Variants in CYRIA observed in about 807,000 individuals in gnomAD.
The protein encoded by CYRIA is CYFIP-related Rac1 interactor A.
In CYRIA, 15 loss-of-function variants were observed where a neutral mutation model predicts 43.9. That is an observed-to-expected ratio of 0.34 (90% confidence interval 0.23 to 0.53). The LOEUF (loss-of-function observed/expected upper bound fraction) is 0.53. Among genes scored for constraint, CYRIA ranks in the 20% least tolerant of loss-of-function variants. The probability of loss-of-function intolerance (pLI) is 0.94; values close to 1 mark genes in which losing one functional copy is unlikely to be tolerated. For missense variants in CYRIA, 236 were observed against 394.2 expected (o/e 0.60, Z 3.40); for synonymous variants, 117 against 136.0 (o/e 0.86, Z 0.97).
At chr2:16,601,599 G>A (rs181713424) in intron 2 of CYRIA, among the ~76,000 whole-genome samples, 11 of 151,710 alleles carry the variant, frequency 7.3e-5, no homozygotes, top group East Asian at 3.9e-4. Flanking sequence ...TTCTATGACC[G>A]CTTTCTTGGC....
chr2:16,565,797 T>G, intron 3 of CYRIA, 30 bp from the exon 4 acceptor site: 2 of 1,517,650 alleles, frequency 1.3e-6, no homozygotes, highest in Non-Finnish European at 1.8e-6. Context: ...AGAGACAGAG[T>G]GCTGGTGTTT....
chr2:16,579,267 C>G (rs1032491309), intron 3 of CYRIA, among the ~76,000 whole-genome samples: 6 of 151,794 alleles, frequency 4.0e-5, no homozygotes, highest in Non-Finnish European at 7.4e-5. Flanking sequence ...TTCTAATAGA[C>G]TTGAACTAAA....
chr2:16,648,684 C>T (rs959183334), intron 1 of CYRIA, among the ~76,000 whole-genome samples: 16 of 152,236 alleles, frequency 1.1e-4, no homozygotes, highest in Admixed American at 9.2e-4. Context: ...GTCTTGGGTT[C>T]CCAGATTATT....
chr2:16,590,159 C>G (rs1216887995), intron 2 of CYRIA, among the ~76,000 whole-genome samples: 1 of 152,088 alleles, frequency 6.6e-6, no homozygotes, highest in African/African-American at 2.4e-5. Context: ...TGTCATTCTT[C>G]CATTCCTTCC....
At position 16,642,969 on chromosome 2, in the gene CYRIA, T is replaced by C. The variant is rs183952548; in HGVS notation, c.-166-18950A>G. 1.9e-3 allele frequency among the ~76,000 whole-genome samples: 282 copies of C among 150,964 alleles called. 2 individuals carry two copies. Among genetic ancestry groups the C allele is most frequent in the Admixed American group, 0.018 (272 of 15,112 alleles). On this transcript the variant is annotated intron_variant, in intron 1 of 11. Transcript: ENST00000381323. Reference sequence around the variant, plus strand: ...TAATATACTAGAAGGCAATAAATATTCCTTTATTACCTTACCTTAAAGTTA... The same window carrying C: ...TAATATACTAGAAGGCAATAAATATCCCTTTATTACCTTACCTTAAAGTTA...
At chr2:16,664,783 G>A in intron 1 of CYRIA, among the ~76,000 whole-genome samples, 1 of 152,212 alleles carries the variant, frequency 6.6e-6, no homozygotes. Context: ...GAGGGTCACA[G>A]AGCTTCAGGG....
chr2:16,618,311 C>A (rs1310788058), intron 2 of CYRIA, among the ~76,000 whole-genome samples: 2 of 152,144 alleles, frequency 1.3e-5, no homozygotes, highest in African/African-American at 4.8e-5. Flanking sequence ...TTAAACAATC[C>A]TTTTGAATTT....
At position 16,565,720 on chromosome 2, in the gene CYRIA, C is replaced by T. The variant is rs1196461802; in HGVS notation, c.118G>A (p.Ala40Thr). 6.3e-6 allele frequency: 10 copies of T among 1,588,822 alleles called. No homozygotes were observed. Among genetic ancestry groups the T allele is most frequent in the East Asian group, 2.3e-5 (1 of 44,360 alleles). Residue 40 changes from alanine (A) to threonine (T), a missense_variant, in exon 4 of 12, where the codon GCC (alanine) becomes ACC (threonine). Physicochemically the swap from Ala to Thr is moderately conservative, Grantham distance 58. Transcript: ENST00000381323. ...GEREIWNQIS[A>T]VLQDSESILA... ...ATGCTCTCAGAATCCTGAAGGACGG[C>T]GCTGATCTGGTTCCAGATTTCTCTC...
intron 1 of CYRIA, among the ~76,000 whole-genome samples, chr2:16,655,025 G>A (rs1670071762): frequency 6.6e-6 from 1 of 152,178 alleles, no homozygotes; most frequent in Non-Finnish European, 1.5e-5. Context: ...CTAGCAGGTT[G>A]AGCATGTAGT....
At chr2:16,590,793 CTG>C (rs1233002995) in intron 2 of CYRIA, among the ~76,000 whole-genome samples, 2 of 152,134 alleles carry the variant, frequency 1.3e-5, no homozygotes, top group African/African-American at 2.4e-5. Flanking sequence ...ACTGTGGACA[CTG>C]TGTAGAAAGT....
chr2:16,652,852 T>C (rs1670011528), intron 1 of CYRIA, among the ~76,000 whole-genome samples: 1 of 152,212 alleles, frequency 6.6e-6, no homozygotes. Flanking sequence ...TCCAGCTTTC[T>C]CCTGGCACCT....
At chr2:16,618,493 C>T (rs1488857241) in intron 2 of CYRIA, among the ~76,000 whole-genome samples, 2 of 152,152 alleles carry the variant, frequency 1.3e-5, no homozygotes, top group African/African-American at 4.8e-5. Context: ...ACAAATAGGG[C>T]CCCTAAGAAC....
At chr2:16,642,489 G>T (rs534595251) in intron 1 of CYRIA, among the ~76,000 whole-genome samples, 2 of 152,036 alleles carry the variant, frequency 1.3e-5, no homozygotes, top group Non-Finnish European at 2.9e-5. Flanking sequence ...TCAAGAACAC[G>T]CTGCCGCCAG....
At chr2:16,583,112 G>C (rs947673894) in intron 3 of CYRIA, among the ~76,000 whole-genome samples, 12 of 152,146 alleles carry the variant, frequency 7.9e-5, no homozygotes, top group African/African-American at 2.9e-4. Context: ...CATGACTAAT[G>C]ATAGTGAACA....
At chr2:16,584,710 T>A (rs1440516075) in intron 3 of CYRIA, among the ~76,000 whole-genome samples, 1 of 152,206 alleles carries the variant, frequency 6.6e-6, no homozygotes, top group Non-Finnish European at 1.5e-5. Flanking sequence ...ATCGGACCTC[T>A]TGCTGTTCTT....
At chr2:16,635,948 A>G (rs12710744) in intron 1 of CYRIA, among the ~76,000 whole-genome samples, 33,779 of 152,048 alleles carry the variant, frequency 0.22, 6,546 homozygotes, top group East Asian at 0.61. Context: ...CACCAGAAGC[A>G]GAAACAGCGT....
At chr2:16,587,994 C>A in intron 3 of CYRIA, 56 bp downstream of exon 3, 1 of 1,104,970 alleles carries the variant, frequency 9.1e-7, no homozygotes, top group South Asian at 1.4e-5. Flanking sequence ...ACTTCCTTAT[C>A]AACAATCTAT....
rs1666308629 is a variant in CYRIA, at chr2:16,551,503, G to A, written c.*1433C>T. The A allele has an allele frequency of 1.3e-5, 2 of 152,124 alleles. No individual in the cohort carries two copies. Among genetic ancestry groups the A allele is most frequent in the Admixed American group, 1.3e-4 (2 of 15,262 alleles). The allele number at this position is 152,124 out of a possible 1,614,324, so 9.4% of individuals were successfully genotyped here. On this transcript the variant is annotated 3_prime_UTR_variant, in exon 12 of 12. Coordinates refer to ENST00000381323, the MANE Select transcript of CYRIA (RefSeq NM_030797.4). ...TGGAGTCAAGAGTGAAGCATCCTGG[G>A]TTCTAGGCCCACATGGGAGCCATCC... is the stretch of plus-strand genomic sequence containing the variant.
intron 1 of CYRIA, among the ~76,000 whole-genome samples, chr2:16,632,447 G>A (rs1281331435): frequency 6.6e-6 from 1 of 150,740 alleles, no homozygotes; most frequent in Non-Finnish European, 1.5e-5. Flanking sequence ...CACCTCAGGG[G>A]AGTCATTACA....
Sources: allele counts gnomAD v4.1 joint callset (sites outside exome capture counted in the v4.1 genomes callset), GRCh38; gene constraint gnomAD v4.1.1; transcripts MANE v1.5; gene names NCBI Gene and HGNC (gene_info 2026-07-23, HGNC 2026-07-21).